Variants in INTS2 observed in about 807,000 individuals in gnomAD.
INTS2 encodes the protein integrator complex subunit 2.
In INTS2, 57 loss-of-function variants were observed where a neutral mutation model predicts 139.6. That is an observed-to-expected ratio of 0.41 (90% CI 0.33 to 0.51). The LOEUF is 0.51. Among genes scored for constraint, INTS2 ranks in the 20% least tolerant of loss-of-function variants. The probability of loss-of-function intolerance (pLI) is 0.28; values close to 1 mark genes in which losing one functional copy is unlikely to be tolerated. For missense variants in INTS2, 1,196 were observed against 1,436.7 expected, an observed-to-expected ratio of 0.83 and a Z score of 2.71; for synonymous variants, 473 against 493.4, an observed-to-expected ratio of 0.96 and a Z score of 0.55.
At chr17:61,874,886 T>G in intron 19 of INTS2, 27 bp downstream of exon 19, 6 of 1,521,538 alleles carry the variant, frequency 3.9e-6, no homozygotes, top group Non-Finnish European at 5.3e-6. Flanking sequence ...AGCTCTATAA[T>G]AAAAATGAAA....
intron 3 of INTS2, among the ~76,000 whole-genome samples, chr17:61,922,853 G>C (rs2079661285): frequency 6.6e-6 from 1 of 151,940 alleles, no homozygotes; most frequent in Non-Finnish European, 1.5e-5. Flanking sequence ...CGAGGTGGGA[G>C]GATCACCTGA....
chr17:61,925,205 T>C lies in INTS2; in HGVS notation c.294-106A>G, dbSNP rs1337493916. ...AAGCTATAAAAGGATGTATAAAGTG[T>C]TCTAAAATGTTCTGTTACTTCTGAA... On this transcript the variant is annotated intron_variant, in intron 2 of 24. Transcript: ENST00000251334. The C allele has an allele frequency of 6.8e-6, 7 of 1,036,332 alleles. 1 individual carries two copies. Among genetic ancestry groups the C allele is most frequent in the Non-Finnish European group, 9.9e-6 (7 of 709,312 alleles). The allele number at this position is 1,036,332 out of a possible 1,614,324, so 64.2% of individuals were successfully genotyped here.
At chr17:61,908,694 G>T (rs2079491990) in intron 7 of INTS2, among the ~76,000 whole-genome samples, 1 of 152,112 alleles carries the variant, frequency 6.6e-6, no homozygotes, top group Admixed American at 6.6e-5. Flanking sequence ...AAGAATAAAG[G>T]TTTATTGAAT....
Position 61,907,451 on chromosome 17 carries a change from G to C in INTS2, c.1138C>G (p.Leu380Val). The C allele has an allele frequency of 6.2e-7, 1 of 1,600,416 alleles. No homozygotes were observed. Among genetic ancestry groups the C allele is most frequent in the Non-Finnish European group, 8.5e-7 (1 of 1,173,656 alleles). Residue 380 changes from leucine to valine, a missense_variant, in exon 8 of 25, where the codon CTC (leucine) becomes GTC (valine). This residue lies in a region of INTS2 where 1,129 missense variants were observed against 1,341.9 expected (regional missense o/e 0.84). Coordinates refer to ENST00000251334, the MANE Select transcript of INTS2 (RefSeq NM_001351695.2). ...ATCAAAGCACAGTACAGACGTAAGA[G>C]TGCACTGGCTTTCACAACATGCTCT... ...KEEHVVKASA[L>V]LRLYCALMGI... is the part of the protein sequence containing the mutation.
Position 61,927,438 on chromosome 17 carries a change from A to C in INTS2, c.-19+216T>G, listed in dbSNP as rs538470173. ...CGACCGACTAGCAGCAGCGTGGGTAAAAGTCGTGGGTAAAAACTGCTTTGC... is the reference window on the plus strand; with the variant it reads ...CGACCGACTAGCAGCAGCGTGGGTACAAGTCGTGGGTAAAAACTGCTTTGC... On this transcript the variant is annotated intron_variant, in intron 1 of 24. Coordinates refer to ENST00000251334, the MANE Select transcript of INTS2 (RefSeq NM_001351695.2). 4.8e-5 allele frequency: 8 copies of C among 166,124 alleles called. No individual in the cohort carries two copies. The Middle Eastern group carries it at 0.012, about 258-fold the overall frequency. 10.3% of individuals were successfully genotyped at this position (166,124 alleles called of 1,614,324 possible).
chr17:61,897,533 A>C lies in INTS2; in HGVS notation c.1430T>G (p.Met477Arg). Residue 477 changes from methionine to arginine, a missense_variant, in exon 11 of 25, where the codon ATG becomes AGG. By Grantham distance (91) the Met-to-Arg change is moderately conservative. This residue lies in a region of INTS2 where 1,129 missense variants were observed against 1,341.9 expected (regional missense o/e 0.84). Coordinates refer to ENST00000251334, the MANE Select transcript of INTS2 (RefSeq NM_001351695.2). The surrounding 1 kb of genome is among the most constrained non-coding windows in gnomAD (Gnocchi z 4.4). ...ACTAAGCTGGTTGCTGTGAAAGTAC[A>C]TAGCCACCAATAATAACATCTCCCC... The part of the protein sequence containing the change: ...SFGEMLLLVA[M>R]YFHSNQLSAI... 1 of 1,605,254 alleles carries C rather than the reference A, an allele frequency of 6.2e-7. No individual in the cohort carries two copies. The highest frequency in any genetic ancestry group is 8.5e-7 in the Non-Finnish European group (1 of 1,175,694).
chr17:61,910,583 C>A (rs141635882), intron 7 of INTS2: 27,679 of 140,122 alleles, frequency 0.2, 3,074 homozygotes, highest in Admixed American at 0.32. Context: ...CAGAGTGAGA[C>A]GCCGTCTCAA....
At chr17:61,888,367 C>CA (rs2079250934) in intron 15 of INTS2, among the ~76,000 whole-genome samples, 2 of 151,870 alleles carry the variant, frequency 1.3e-5, no homozygotes, top group South Asian at 4.2e-4. Flanking sequence ...GACCCTGTCT[C>CA]AAAAAATAAA....
At chr17:61,920,486 C>CTTTTTTTT (rs1187583288) in intron 4 of INTS2, among the ~76,000 whole-genome samples, 1 of 106,498 alleles carries the variant, frequency 9.4e-6, no homozygotes, top group Non-Finnish European at 1.9e-5. Flanking sequence ...CTGGCCTATA[C>CTTTTTTTT]TTTTTTTTTT....
intron 7 of INTS2, among the ~76,000 whole-genome samples, chr17:61,908,105 C>T (rs2079484884): frequency 1.3e-5 from 2 of 152,250 alleles, no homozygotes; most frequent in Admixed American, 6.5e-5. Context: ...CCTTATAGAA[C>T]TCCTATAATT....
Position 61,870,782 on chromosome 17 carries a change from T to C in INTS2, c.2779-794A>G, listed in dbSNP as rs1351783479. On this transcript the variant is annotated intron_variant, in intron 20 of 24. Transcript: ENST00000251334. The surrounding 1 kb of genome is among the most constrained non-coding windows in gnomAD (Gnocchi z 4.4). ...ATCATGGTTCTTGGGGAAAGGAGTT[T>C]TTGGTTATTGTTATTGTTATTGTTT... Among the ~76,000 whole-genome samples the C allele has an allele frequency of 1.3e-5, 2 of 152,102 alleles. No homozygotes were observed. Among genetic ancestry groups the C allele is most frequent in the Non-Finnish European group, 2.9e-5 (2 of 68,024 alleles).
chr17:61,906,055 T>C (rs915056303), intron 8 of INTS2, among the ~76,000 whole-genome samples: 18 of 152,214 alleles, frequency 1.2e-4, no homozygotes, highest in Non-Finnish European at 2.2e-4. Context: ...TGGAATATAA[T>C]GTTCCAAAAA....
In INTS2 at chr17:61,873,746, C is replaced by G. The variant is rs761409239; in HGVS notation, c.2582+1167G>C. ...GAGAATGTCATCCCTTGGTTGATGA[C>G]AGACAAGTTTAAATATCAAGTGTGT... On this transcript the variant is annotated intron_variant, in intron 19 of 24. Coordinates refer to ENST00000251334, the MANE Select transcript of INTS2 (RefSeq NM_001351695.2). This position sits in a 1 kb window ranked among gnomAD's most constrained non-coding sequence, Gnocchi z 4.0. Among the ~76,000 whole-genome samples the G allele has an allele frequency of 1.3e-5, 2 of 152,126 alleles. No homozygotes were observed. The highest frequency in any genetic ancestry group is 2.9e-5 in the Non-Finnish European group (2 of 68,010).
intron 5 of INTS2, among the ~76,000 whole-genome samples, chr17:61,913,540 T>C (rs1037956169): frequency 1.3e-5 from 2 of 152,186 alleles, no homozygotes; most frequent in African/African-American, 4.8e-5. Flanking sequence ...AGTCTCAAAC[T>C]CCTGGCTTCA....
chr17:61,892,953 C>CAAAAAA (rs58426330), intron 13 of INTS2, among the ~76,000 whole-genome samples: 4 of 44,170 alleles, frequency 9.1e-5, no homozygotes, highest in Non-Finnish European at 1.1e-4. Context: ...GACTCCATCT[C>CAAAAAA]AAAAAAAAAA....
At chr17:61,883,261 C>T (rs1389000312) in intron 16 of INTS2, among the ~76,000 whole-genome samples, 2 of 151,854 alleles carry the variant, frequency 1.3e-5, no homozygotes, top group Non-Finnish European at 2.9e-5. Context: ...GCCTGTAATA[C>T]TAACACTTTG....
At chr17:61,925,843 G>A (rs1403577009) in intron 2 of INTS2, among the ~76,000 whole-genome samples, 1 of 151,726 alleles carries the variant, frequency 6.6e-6, no homozygotes, top group Non-Finnish European at 1.5e-5. Flanking sequence ...TGGCCAACAT[G>A]ATGAAACCCC....
At chr17:61,892,156 G>C (rs1357113137) in intron 13 of INTS2, among the ~76,000 whole-genome samples, 1 of 152,050 alleles carries the variant, frequency 6.6e-6, no homozygotes, top group Non-Finnish European at 1.5e-5. Context: ...TAAAATGTTG[G>C]GGGTGCATGT....
chr17:61,872,539 G>T lies in INTS2; in HGVS notation c.2583-79C>A. On this transcript the variant is annotated intron_variant, in intron 19 of 24. Transcript: ENST00000251334. This position sits in a 1 kb window ranked among gnomAD's most constrained non-coding sequence, Gnocchi z 4.8. ...AATTAGCCAGAACATGATCAATTTA[G>T]TTTAAATGCTGAGAAAAACCTGAGT... The T allele has an allele frequency of 1.0e-6, 1 of 987,238 alleles. No individual in the cohort carries two copies. The highest frequency in any genetic ancestry group is 1.4e-6 in the Non-Finnish European group (1 of 703,486). The allele number at this position is 987,238 out of a possible 1,614,324, so 61.2% of individuals were successfully genotyped here.
Sources: gnomAD v4.1 joint callset for allele counts (sites outside exome capture counted in the v4.1 genomes callset) on GRCh38, gnomAD v4.1.1 for gene constraint, gnomAD v4.1.1 regional missense constraint, Gnocchi (gnomAD v3.1) non-coding constraint, MANE v1.5 for transcripts, NCBI Gene and HGNC (gene_info 2026-07-23, HGNC 2026-07-21) for gene names.